CSMD2: variants seen among roughly 807,000 people sequenced by gnomAD.
CSMD2 encodes the protein CUB and sushi domain-containing protein 2.
In CSMD2, 130 loss-of-function variants were observed where a neutral mutation model predicts 398.5. The observed-to-expected ratio is 0.33, with a 90% CI of 0.28 to 0.38. The LOEUF is 0.38. Among genes scored for constraint, CSMD2 ranks in the 10% least tolerant of loss-of-function variants. CSMD2 has a pLI of 1.00. For synonymous variants in CSMD2, 1,828 were observed against 1,908.5 expected (o/e 0.96, Z 1.10); for missense variants, 3,829 against 4,764.9 (o/e 0.80, Z 5.78).
intron 34 of CSMD2, 22 bp downstream of exon 34, chr1:33,625,029 C>T (rs775694920): frequency 2.5e-6 from 4 of 1,612,512 alleles, no homozygotes; most frequent in East Asian, 2.2e-5. Flanking sequence ...GCACCCTCAA[C>T]GCCCGGGTCC....
chr1:33,853,957 C>T (rs1431660804), intron 5 of CSMD2, among the ~76,000 whole-genome samples: 1 of 152,170 alleles, frequency 6.6e-6, no homozygotes, highest in Admixed American at 6.5e-5. Context: ...GTCTAATGCC[C>T]AGCTATATTT....
intron 29 of CSMD2, among the ~76,000 whole-genome samples, chr1:33,637,043 GAC>G (rs1366061449): frequency 9.9e-5 from 15 of 152,242 alleles, no homozygotes; most frequent in Non-Finnish European, 2.2e-4. Context: ...AAGCAGGGCA[GAC>G]AGTCTGCTTT....
chr1:34,045,173 CT>C (rs1262374009), intron 2 of CSMD2, among the ~76,000 whole-genome samples: 1 of 151,990 alleles, frequency 6.6e-6, no homozygotes, highest in Non-Finnish European at 1.5e-5. Context: ...CTTTTTGTGC[CT>C]TTCTATATAT....
chr1:33,693,100 GC>G (rs1334374014), intron 24 of CSMD2, 44 bp from the exon 25 acceptor site: 1 of 1,544,288 alleles, frequency 6.5e-7, no homozygotes, highest in Non-Finnish European at 8.7e-7. Context: ...GGTGGCCTGA[GC>G]TGCCAGCAGT....
In CSMD2 at chr1:33,601,024, A is replaced by G. The variant is rs1640181228; in HGVS notation, c.6711-14T>C. The G allele has an allele frequency of 1.2e-6, 2 of 1,614,094 alleles. No individual in the cohort carries two copies. The highest frequency in any genetic ancestry group is 3.3e-5 in the Admixed American group (2 of 60,020). On this transcript the variant is annotated splice_polypyrimidine_tract_variant and intron_variant, in intron 43 of 70. Transcript: ENST00000373381. ...TGTGGCCCATCCCTGTACACAGGAA[A>G]CAAGGTCCTGGCATGTCACTAGTCA...
At chr1:33,623,284 C>CAAT (rs1263650852) in intron 36 of CSMD2, 86 bp downstream of exon 36, 13 of 918,696 alleles carry the variant, frequency 1.4e-5, no homozygotes, top group Non-Finnish European at 2.1e-5. Context: ...AGTGATATCT[C>CAAT]AATAATAATA....
chr1:33,980,055 G>A (rs950799254), intron 3 of CSMD2, among the ~76,000 whole-genome samples: 1 of 152,192 alleles, frequency 6.6e-6, no homozygotes, highest in Non-Finnish European at 1.5e-5. Flanking sequence ...CCAGGGGAGA[G>A]CCTTCACTGT....
intron 3 of CSMD2, among the ~76,000 whole-genome samples, chr1:33,962,053 A>G (rs1645380305): frequency 6.6e-6 from 1 of 152,152 alleles, no homozygotes; most frequent in Non-Finnish European, 1.5e-5. Flanking sequence ...GGACTCAATA[A>G]ATGGTACACT....
At chr1:34,093,224 A>C (rs1658857700) in intron 1 of CSMD2, among the ~76,000 whole-genome samples, 2 of 152,218 alleles carry the variant, frequency 1.3e-5, no homozygotes, top group South Asian at 2.1e-4. Flanking sequence ...AAACTAACAA[A>C]CAGAAAGGAC....
chr1:34,142,784 C>T (rs921420961), intron 1 of CSMD2, among the ~76,000 whole-genome samples: 6 of 152,156 alleles, frequency 3.9e-5, no homozygotes, highest in Non-Finnish European at 5.9e-5. Context: ...ATCTCTCTTA[C>T]GGACCTGTTT....
intron 3 of CSMD2, among the ~76,000 whole-genome samples, chr1:34,022,242 C>G (rs1648996413): frequency 1.3e-5 from 2 of 152,294 alleles, no homozygotes; most frequent in South Asian, 4.2e-4. Context: ...TATTCTATGC[C>G]AGGCATTATT....
intron 3 of CSMD2, among the ~76,000 whole-genome samples, chr1:33,989,142 T>C (rs1646467661): frequency 1.3e-5 from 2 of 148,508 alleles, no homozygotes; most frequent in Admixed American, 6.8e-5. Context: ...ATATATGTAA[T>C]CTTATAACTC....
chr1:34,029,061 G>A (rs758089780), intron 3 of CSMD2, among the ~76,000 whole-genome samples: 5 of 152,194 alleles, frequency 3.3e-5, no homozygotes, highest in Non-Finnish European at 7.3e-5. Context: ...TCAGCCAAGA[G>A]GAGCTACCAA....
chr1:33,623,324 C>T (rs1369171858), intron 36 of CSMD2, 46 bp downstream of exon 36: 4 of 1,209,312 alleles, frequency 3.3e-6, no homozygotes, highest in Non-Finnish European at 1.2e-6. Context: ...TGATGATGAG[C>T]TCTAGTACTA....
intron 36 of CSMD2, 84 bp downstream of exon 36, chr1:33,623,286 A>T: frequency 2.2e-6 from 2 of 922,798 alleles, no homozygotes; most frequent in Admixed American, 1.9e-5. Flanking sequence ...TGATATCTCA[A>T]TAATAATAAT....
At chr1:34,089,255 G>A in intron 1 of CSMD2, 62 bp from the exon 2 acceptor site, 1 of 1,468,744 alleles carries the variant, frequency 6.8e-7, no homozygotes, top group Non-Finnish European at 9.4e-7. Context: ...CTTCTAGAGA[G>A]TCAGGAGCAA....
chr1:34,092,666 G>A lies in CSMD2; in HGVS notation c.188-3473C>T, dbSNP rs561145972. ...GGTGACGGACGGCACCTGGAGAATC[G>A]GGTCACTCCCACCCGAATACTGCGC... On this transcript the variant is annotated intron_variant, in intron 1 of 70. Coordinates refer to ENST00000373381, the MANE Select transcript of CSMD2 (RefSeq NM_001281956.2). Among the ~76,000 whole-genome samples, 7 of 151,828 alleles carry A rather than the reference G, an allele frequency of 4.6e-5. No individual in the cohort carries two copies. The South Asian group carries it at 6.3e-4, about 14-fold the overall frequency.
chr1:33,990,016 T>TA (rs991383767), intron 3 of CSMD2, among the ~76,000 whole-genome samples: 1 of 152,042 alleles, frequency 6.6e-6, no homozygotes, highest in Admixed American at 6.6e-5. Context: ...AAGAGTGATT[T>TA]AAAAAAGACT....
At position 34,072,058 on chromosome 1, in the gene CSMD2, C is replaced by A. The variant is rs149547918; in HGVS notation, c.404+16919G>T. Among the ~76,000 whole-genome samples, 1,308 of 152,334 alleles carry A rather than the reference C, an allele frequency of 8.6e-3. 17 individuals carry two copies. The highest frequency in any genetic ancestry group is 0.028 in the African/African-American group (1,149 of 41,560). ...CCAAGCTGGGACAGAACCCAGCTCT[C>A]CATGCCCCTGGTCTGGCTCTTGGCA... On this transcript the variant is annotated intron_variant, in intron 2 of 70. Coordinates refer to ENST00000373381, the MANE Select transcript of CSMD2 (RefSeq NM_001281956.2).
Sources: gnomAD v4.1 joint callset for allele counts (sites outside exome capture counted in the v4.1 genomes callset) on GRCh38, gnomAD v4.1.1 for gene constraint, MANE v1.5 for transcripts, NCBI Gene and HGNC (gene_info 2026-07-23, HGNC 2026-07-21) for gene names.